Variants in CCDC102B observed in about 807,000 individuals in gnomAD.
CCDC102B encodes the protein coiled-coil domain-containing protein 102B.
In CCDC102B, 75 loss-of-function variants were observed where a neutral mutation model predicts 57.4. The ratio of observed to expected loss-of-function variants is 1.31; its 90% CI spans 1.08 to 1.58. CCDC102B has a LOEUF of 1.58. Among genes scored for constraint, CCDC102B ranks in the 40% most tolerant of loss-of-function variants. The pLI, the probability that CCDC102B is intolerant of heterozygous loss-of-function variation, is 0.00. For missense variants in CCDC102B, 636 were observed against 582.6 expected, an observed-to-expected ratio of 1.09 and a Z score of -0.94; for synonymous variants, 206 against 201.9, an observed-to-expected ratio of 1.02 and a Z score of -0.17.
chr18:68,970,560 T>C (rs1268816330), intron 6 of CCDC102B, among the ~76,000 whole-genome samples: 1 of 151,996 alleles, frequency 6.6e-6, no homozygotes, highest in East Asian at 1.9e-4. Flanking sequence ...TAATCTCATC[T>C]TTTCCACCTA....
chr18:68,866,868 C>T, intron 4 of CCDC102B: 1 of 673,712 alleles, frequency 1.5e-6, no homozygotes, highest in South Asian at 1.4e-5. Context: ...ACCACAGCTA[C>T]ATTGGCACTC....
chr18:68,729,293 A>G (rs1397150749), intron 2 of CCDC102B, among the ~76,000 whole-genome samples: 1 of 152,218 alleles, frequency 6.6e-6, no homozygotes, highest in African/African-American at 2.4e-5. Context: ...TATCGATTCA[A>G]TGAAATTTCA....
intron 6 of CCDC102B, among the ~76,000 whole-genome samples, chr18:68,978,834 C>A (rs1004742238): frequency 6.6e-6 from 1 of 151,960 alleles, no homozygotes; most frequent in Non-Finnish European, 1.5e-5. Flanking sequence ...ACAGCATAAA[C>A]ATTTATAAAC....
rs545463195 is a variant in CCDC102B at position 68,936,861 on chromosome 18, T to A, written c.1263+39433T>A. Among the ~76,000 whole-genome samples the A allele has an allele frequency of 2.8e-5, 4 of 145,302 alleles. 1 individual carries two copies. The South Asian group carries it at 8.4e-4, about 31-fold the overall frequency. On this transcript the variant is annotated intron_variant, in intron 6 of 7. Transcript: ENST00000360242. ...TACATATATAATATATATACACATA[T>A]ACACACACACACACACCCAACACAC...
intron 6 of CCDC102B, among the ~76,000 whole-genome samples, chr18:68,958,618 A>G (rs1005635110): frequency 2.0e-5 from 3 of 152,158 alleles, no homozygotes; most frequent in African/African-American, 7.2e-5. Flanking sequence ...CCTCATCTTT[A>G]AGGCCAGTAA....
intron 6 of CCDC102B, among the ~76,000 whole-genome samples, chr18:68,988,824 G>A (rs80177516): frequency 0.017 from 2,565 of 152,292 alleles, 34 homozygotes; most frequent in Non-Finnish European, 0.027. Context: ...GGTTGGTTTG[G>A]ACTTGAGTGG....
At chr18:68,717,747 CA>C (rs1168958401) in intron 2 of CCDC102B, among the ~76,000 whole-genome samples, 1 of 151,814 alleles carries the variant, frequency 6.6e-6, no homozygotes, top group African/African-American at 2.4e-5. Context: ...ATTTTGACAA[CA>C]TTTTTTAAAA....
intron 2 of CCDC102B, among the ~76,000 whole-genome samples, chr18:68,759,011 A>G (rs2034158623): frequency 6.6e-6 from 1 of 150,880 alleles, no homozygotes; most frequent in Non-Finnish European, 1.5e-5. Flanking sequence ...CCCCTACCTA[A>G]AAAAAACAAA....
At chr18:68,814,830 A>G (rs1397460565) in intron 1 of CCDC102B, among the ~76,000 whole-genome samples, 1 of 152,114 alleles carries the variant, frequency 6.6e-6, no homozygotes, top group African/African-American at 2.4e-5. Context: ...AAGAAAAAAA[A>G]TCTCCAATAT....
chr18:68,991,439 T>G (rs528221981), intron 6 of CCDC102B, among the ~76,000 whole-genome samples: 63 of 152,318 alleles, frequency 4.1e-4, no homozygotes, highest in Middle Eastern at 6.8e-3. Flanking sequence ...TGCTGGAGAC[T>G]TTAGTTATAA....
chr18:68,897,403 A>C lies in CCDC102B; in HGVS notation c.1238A>C (p.Gln413Pro). 1.2e-6 allele frequency: 2 copies of C among 1,611,272 alleles called. No homozygotes were observed. The highest frequency in any genetic ancestry group is 1.7e-6 in the Non-Finnish European group (2 of 1,178,666). ...NSQSPDFKMS[Q>P]IDLQEKNQEL... ...CAAAGTCCTGATTTCAAGATGTCAC[A>C]AATTGATCTGCAAGAAAAAAACCAG... The change falls in exon 6 of 8, where the codon CAA becomes CCA. Residue 413 changes from glutamine to proline, a missense_variant. By Grantham distance (76) the Gln-to-Pro change is moderately conservative. Transcript: ENST00000360242.
chr18:68,719,149 G>T (rs990965704), intron 2 of CCDC102B, among the ~76,000 whole-genome samples: 1 of 152,106 alleles, frequency 6.6e-6, no homozygotes, highest in Non-Finnish European at 1.5e-5. Context: ...TAAAGGAATT[G>T]AATCAGAAGC....
At chr18:69,026,849 T>C (rs2052006583) in intron 7 of CCDC102B, among the ~76,000 whole-genome samples, 5 of 152,190 alleles carry the variant, frequency 3.3e-5, no homozygotes, top group African/African-American at 1.2e-4. Context: ...AGAACCTATG[T>C]TCCTGGAAAG....
At chr18:68,853,540 T>C (rs1289872048) in intron 4 of CCDC102B, among the ~76,000 whole-genome samples, 1 of 151,908 alleles carries the variant, frequency 6.6e-6, no homozygotes, top group African/African-American at 2.4e-5. Flanking sequence ...AGAACTTTTA[T>C]TATGTTTTCT....
At chr18:68,801,086 T>A (rs2035834493) in intron 1 of CCDC102B, among the ~76,000 whole-genome samples, 1 of 152,180 alleles carries the variant, frequency 6.6e-6, no homozygotes, top group Non-Finnish European at 1.5e-5. Flanking sequence ...TTTAGAATCA[T>A]ACTATCATTA....
At chr18:68,808,596 G>A (rs1041536353) in intron 1 of CCDC102B, among the ~76,000 whole-genome samples, 1 of 148,936 alleles carries the variant, frequency 6.7e-6, no homozygotes, top group African/African-American at 2.5e-5. Flanking sequence ...TCCTGCCTCA[G>A]CCTCCCGAGT....
chr18:68,822,223 G>A (rs28547535), intron 1 of CCDC102B, among the ~76,000 whole-genome samples: 2,488 of 152,026 alleles, frequency 0.016, 56 homozygotes, highest in African/African-American at 0.055. Context: ...GTGAAACCCT[G>A]TCTCTACTAA....
intron 6 of CCDC102B, among the ~76,000 whole-genome samples, chr18:68,914,777 C>T (rs916401645): frequency 3.5e-4 from 53 of 152,118 alleles, no homozygotes; most frequent in African/African-American, 1.2e-3. Context: ...GAAGCATTTG[C>T]GGATTTTAAT....
At chr18:68,989,496 C>T (rs2050807904) in intron 6 of CCDC102B, among the ~76,000 whole-genome samples, 1 of 152,174 alleles carries the variant, frequency 6.6e-6, no homozygotes, top group African/African-American at 2.4e-5. Context: ...TGATTAAAAC[C>T]TAGGAGTAGC....
Sources: gnomAD v4.1 joint callset for allele counts (sites outside exome capture counted in the v4.1 genomes callset) on GRCh38, gnomAD v4.1.1 for gene constraint, MANE v1.5 for transcripts, NCBI Gene and HGNC (gene_info 2026-07-23, HGNC 2026-07-21) for gene names.